Variants in TNS1 observed in about 807,000 individuals in gnomAD.
TNS1 encodes the protein tensin 1.
A neutral mutation model predicts 168.6 loss-of-function variants in TNS1; 62 were observed. The observed-to-expected ratio is 0.37, with a 90% confidence interval of 0.30 to 0.45. TNS1 has a LOEUF of 0.45. Ranked by LOEUF, TNS1 falls within the 20% of genes least tolerant of loss-of-function variation. The pLI, the probability that TNS1 is intolerant of heterozygous loss-of-function variation, is 1.00. For missense variants in TNS1, 2,240 were observed against 2,339.4 expected (o/e 0.96, Z 0.88); for synonymous variants, 934 against 933.2 (o/e 1.00, Z -0.02).
In TNS1 at chr2:217,880,165, C is replaced by A. The variant is rs1464085583; in HGVS notation, c.1429+733G>T. On this transcript the variant is annotated intron_variant, in intron 18 of 32. Coordinates refer to ENST00000682258, the MANE Select transcript of TNS1 (RefSeq NM_001387777.1). This position sits in a 1 kb window ranked among gnomAD's most constrained non-coding sequence, Gnocchi z 4.2. ...TGGGCATGCTCACTTTCGGAGCCCG[C>A]CCCACGTCTCCTTACACATATGCAG... Among the ~76,000 whole-genome samples, 3 of 152,196 alleles carry A rather than the reference C, an allele frequency of 2.0e-5. No individual in the cohort carries two copies. Among genetic ancestry groups the A allele is most frequent in the African/African-American group, 7.2e-5 (3 of 41,448 alleles).
At chr2:217,836,302 C>T in intron 19 of TNS1, 91 bp from the exon 20 acceptor site, 2 of 1,294,972 alleles carry the variant, frequency 1.5e-6, no homozygotes, top group South Asian at 1.5e-5. Context: ...GCAGTGCCTC[C>T]TAGCTCAGAG....
rs564315225 is a variant in TNS1, at chr2:217,993,462, C to T, written c.34-2406G>A. Among the ~76,000 whole-genome samples the T allele has an allele frequency of 2.6e-5, 4 of 152,308 alleles. No homozygotes were observed. In the East Asian group the frequency reaches 5.8e-4, roughly 22 times the overall value. On this transcript the variant is annotated intron_variant, in intron 1 of 32. Coordinates refer to ENST00000682258, the MANE Select transcript of TNS1 (RefSeq NM_001387777.1). Reference sequence around the variant, plus strand: ...GGAGCAGGGGTGCACTGAGAACAGACGCCGCTTCTGCGGTATCCCTGCCAG... The same window carrying T: ...GGAGCAGGGGTGCACTGAGAACAGATGCCGCTTCTGCGGTATCCCTGCCAG...
chr2:218,010,231 T>C (rs1474770527), exon 1 of TNS1: 4 of 397,664 alleles, frequency 1.0e-5, no homozygotes, highest in African/African-American at 2.1e-5. Flanking sequence ...GGCGCGAGGG[T>C]CGGAAGAGGT....
chr2:217,928,901 T>A lies in TNS1; in HGVS notation c.187-8665A>T, dbSNP rs577974458. Among the ~76,000 whole-genome samples the A allele has an allele frequency of 2.0e-3, 306 of 152,180 alleles. 2 individuals carry two copies. The highest frequency in any genetic ancestry group is 6.8e-3 in the African/African-American group (282 of 41,510). ...TGGGCTCTCCAGACAGGGGAGTTCC[T>A]CTTCAGACAAGAACCTCCCCACCTC... On this transcript the variant is annotated intron_variant, in intron 3 of 32. Coordinates refer to ENST00000682258, the MANE Select transcript of TNS1 (RefSeq NM_001387777.1).
chr2:218,027,075 CG>C (rs150901694), intron 1 of TNS1, among the ~76,000 whole-genome samples: 1,752 of 152,068 alleles, frequency 0.012, 33 homozygotes, highest in African/African-American at 0.039. Flanking sequence ...AGAGACTTTA[CG>C]GCAAACACAA....
chr2:217,936,966 T>G (rs1575114361), intron 3 of TNS1: 1 of 456,810 alleles, frequency 2.2e-6, no homozygotes, highest in Non-Finnish European at 4.4e-6. Context: ...GCTTGTTATT[T>G]CTCCTTACCT....
intron 1 of TNS1, among the ~76,000 whole-genome samples, chr2:218,023,467 G>A (rs1026157706): frequency 6.6e-6 from 1 of 152,182 alleles, no homozygotes; most frequent in African/African-American, 2.4e-5. Context: ...TGCCTGCCAA[G>A]TCAGAGACCC....
intron 3 of TNS1, among the ~76,000 whole-genome samples, chr2:217,922,858 G>T (rs367769182): frequency 2.0e-5 from 3 of 152,192 alleles, no homozygotes; most frequent in South Asian, 2.1e-4. Context: ...TCCATCCTCC[G>T]CCCACAGCCG....
At chr2:217,951,389 T>C (rs757683040) in intron 3 of TNS1, among the ~76,000 whole-genome samples, 2 of 152,218 alleles carry the variant, frequency 1.3e-5, no homozygotes, top group African/African-American at 2.4e-5. Flanking sequence ...TGTTTCCCAA[T>C]TGACATACTG....
intron 8 of TNS1, 40 bp from the exon 9 acceptor site, chr2:217,895,096 G>A: frequency 1.3e-6 from 2 of 1,587,642 alleles, no homozygotes; most frequent in South Asian, 1.1e-5. Flanking sequence ...GGAGGTGAGG[G>A]TGAGGAGGGC....
chr2:217,826,847 C>T (rs1051263174), intron 22 of TNS1, among the ~76,000 whole-genome samples: 3 of 152,156 alleles, frequency 2.0e-5, no homozygotes, highest in Admixed American at 1.3e-4. Flanking sequence ...TGGGCTCCTC[C>T]GGTCTGGCAC....
At position 217,859,532 on chromosome 2, in the gene TNS1, C is replaced by A. The variant is rs537525710; in HGVS notation, c.1430-10445G>T. The A allele has an allele frequency of 6.4e-5, 63 of 990,166 alleles. No homozygotes were observed. The African/African-American group carries it at 1.0e-3, about 16-fold the overall frequency. 61.3% of individuals were successfully genotyped at this position (990,166 alleles called of 1,614,324 possible). On this transcript the variant is annotated intron_variant, in intron 18 of 32. Coordinates refer to ENST00000682258, the MANE Select transcript of TNS1 (RefSeq NM_001387777.1). ...GCAGGGCTCCAGGAGGGGACAGGAG[C>A]CCCAACATGAAGTTCTCAGTGCAAA...
chr2:218,020,299 C>T (rs1267096121), intron 1 of TNS1, among the ~76,000 whole-genome samples: 1 of 152,074 alleles, frequency 6.6e-6, no homozygotes, highest in Admixed American at 6.5e-5. Flanking sequence ...ATCTGCAGGC[C>T]TCTCTTCAAT....
chr2:217,998,699 T>G lies in TNS1; in HGVS notation c.33+4141A>C, dbSNP rs148281042. ...ATTTTTCGTACAGACATGGTCTTAC[T>G]ATGTTGCTCGGGCCAGTCTTGAACT... is the stretch of plus-strand genomic sequence containing the variant. On this transcript the variant is annotated intron_variant, in intron 1 of 32. Coordinates refer to ENST00000682258, the MANE Select transcript of TNS1 (RefSeq NM_001387777.1). 1.2e-4 allele frequency among the ~76,000 whole-genome samples: 18 copies of G among 152,324 alleles called. No homozygotes were observed. The East Asian group carries it at 3.5e-3, about 29-fold the overall frequency.
upstream of TNS1, among the ~76,000 whole-genome samples, chr2:218,013,633 A>G (rs1958729606): frequency 6.6e-6 from 1 of 152,060 alleles, no homozygotes; most frequent in Non-Finnish European, 1.5e-5. Context: ...CTCATGTGAC[A>G]TGGCCCTCTC....
intron 1 of TNS1, among the ~76,000 whole-genome samples, chr2:217,996,427 T>C (rs567306219): frequency 9.4e-4 from 143 of 152,236 alleles, no homozygotes; most frequent in Non-Finnish European, 1.7e-3. Flanking sequence ...GGCTGCCGGC[T>C]GGCTTCTGGG....
In TNS1 at chr2:217,859,540, T is replaced by C. The variant is rs1948584068; in HGVS notation, c.1430-10453A>G. ...CCAGGAGGGGACAGGAGCCCCAACA[T>C]GAAGTTCTCAGTGCAAAGCTTTGGA... On this transcript the variant is annotated intron_variant, in intron 18 of 32. Transcript: ENST00000682258. 3 of 1,094,276 alleles carry C rather than the reference T, an allele frequency of 2.7e-6. No individual in the cohort carries two copies. The South Asian group carries it at 4.0e-5, about 15-fold the overall frequency. 67.8% of individuals were successfully genotyped at this position (1,094,276 alleles called of 1,614,324 possible).
chr2:217,827,021 A>G (rs1347880023), intron 22 of TNS1, among the ~76,000 whole-genome samples: 1 of 152,190 alleles, frequency 6.6e-6, no homozygotes, highest in African/African-American at 2.4e-5. Flanking sequence ...GAAGCTCAAA[A>G]GTTAGAATTC....
rs1176140503 is a variant in TNS1, at chr2:217,800,658, T to C, written c.*3801A>G. ...CTGGGGTAAAGGGCTGCTCTGGGAC[T>C]CTGCCCCCCAACCTCTTGGAGGACC... is the stretch of plus-strand genomic sequence containing the variant. On this transcript the variant is annotated 3_prime_UTR_variant, in exon 33 of 33. Coordinates refer to ENST00000682258, the MANE Select transcript of TNS1 (RefSeq NM_001387777.1). 1 of 152,188 alleles carries C rather than the reference T, an allele frequency of 6.6e-6. No individual in the cohort carries two copies. 9.4% of individuals were successfully genotyped at this position (152,188 alleles called of 1,614,324 possible).
Sources: gnomAD v4.1 joint callset for allele counts (sites outside exome capture counted in the v4.1 genomes callset) on GRCh38, gnomAD v4.1.1 for gene constraint, Gnocchi (gnomAD v3.1) non-coding constraint, MANE v1.5 for transcripts, NCBI Gene and HGNC (gene_info 2026-07-23, HGNC 2026-07-21) for gene names.